ULK4: variants seen among roughly 807,000 people sequenced by gnomAD.
The protein encoded by ULK4 is inactive serine/threonine-protein kinase ULK4.
A neutral mutation model predicts 160.6 loss-of-function variants in ULK4; 133 were observed. The ratio of observed to expected loss-of-function variants is 0.83; its 90% CI spans 0.72 to 0.96. The LOEUF (loss-of-function observed/expected upper bound fraction) is 0.96, where lower values mean the gene tolerates loss of function less well. Ranked by LOEUF, ULK4 falls within the 40% of genes least tolerant of loss-of-function variation. ULK4 has a pLI of 0.00. For synonymous variants in ULK4, 534 were observed against 539.8 expected (o/e 0.99, Z 0.15); for missense variants, 1,580 against 1,499.5 (o/e 1.05, Z -0.89).
At chr3:41,508,381 C>G (rs938076400) in intron 32 of ULK4, among the ~76,000 whole-genome samples, 24 of 152,244 alleles carry the variant, frequency 1.6e-4, no homozygotes, top group African/African-American at 5.5e-4. Flanking sequence ...AGGATATAAT[C>G]TCTTGGGCGC....
chr3:41,252,962 T>C (rs1433263296), intron 35 of ULK4, among the ~76,000 whole-genome samples: 2 of 152,134 alleles, frequency 1.3e-5, no homozygotes, highest in Admixed American at 6.5e-5. Context: ...GAATTTCTCA[T>C]CTGAAACTAC....
At chr3:41,325,568 T>C (rs920511590) in intron 35 of ULK4, among the ~76,000 whole-genome samples, 10 of 152,146 alleles carry the variant, frequency 6.6e-5, no homozygotes, top group African/African-American at 2.4e-4. Context: ...GAGAAAAGTT[T>C]ATGACACTGA....
intron 34 of ULK4, among the ~76,000 whole-genome samples, chr3:41,432,474 G>T (rs2082935592): frequency 6.6e-6 from 1 of 152,072 alleles, no homozygotes; most frequent in South Asian, 2.1e-4. Context: ...TGTAATCCTT[G>T]GGGAACTATA....
intron 32 of ULK4, among the ~76,000 whole-genome samples, chr3:41,521,273 C>T (rs1019104814): frequency 2.0e-4 from 31 of 152,154 alleles, no homozygotes; most frequent in African/African-American, 7.0e-4. Flanking sequence ...GTTCCCGGTC[C>T]TTCTGATAGT....
chr3:41,432,681 T>C (rs990261534), intron 34 of ULK4, among the ~76,000 whole-genome samples: 54 of 152,304 alleles, frequency 3.5e-4, no homozygotes, highest in African/African-American at 1.3e-3. Context: ...ATGATTATGA[T>C]GCATGGAATA....
At chr3:41,272,070 C>G (rs2079146993) in intron 35 of ULK4, among the ~76,000 whole-genome samples, 1 of 152,096 alleles carries the variant, frequency 6.6e-6, no homozygotes, top group Non-Finnish European at 1.5e-5. Context: ...GCATGTGCCA[C>G]AACACCCAGC....
chr3:41,694,676 A>C (rs2036428166), intron 27 of ULK4, among the ~76,000 whole-genome samples: 1 of 152,230 alleles, frequency 6.6e-6, no homozygotes, highest in South Asian at 2.1e-4. Flanking sequence ...AACTACACAC[A>C]ACCACCCATA....
intron 29 of ULK4, among the ~76,000 whole-genome samples, chr3:41,673,687 TAC>T (rs781180843): frequency 8.2e-5 from 12 of 147,166 alleles, no homozygotes; most frequent in East Asian, 6.0e-4. Context: ...TATATATATA[TAC>T]ATACATACAT....
chr3:41,645,029 C>T (rs13061891), intron 30 of ULK4, among the ~76,000 whole-genome samples: 49,063 of 144,288 alleles, frequency 0.34, 10,513 homozygotes, highest in African/African-American at 0.69. Context: ...TCTGTGGGAT[C>T]GGTGGTGATA....
chr3:41,306,139 G>T (rs1441502912), intron 35 of ULK4, among the ~76,000 whole-genome samples: 1 of 94,998 alleles, frequency 1.1e-5, no homozygotes, highest in Non-Finnish European at 2.1e-5. Flanking sequence ...GGGGGGGGGG[G>T]GTCAGCCCCC....
intron 17 of ULK4, chr3:41,882,425 C>G (rs1198779161): frequency 1.6e-6 from 1 of 628,624 alleles, no homozygotes; most frequent in African/African-American, 1.8e-5. Flanking sequence ...TTCAGACTAG[C>G]TTTTCTTCAA....
intron 34 of ULK4, among the ~76,000 whole-genome samples, chr3:41,428,598 A>AT (rs1329368281): frequency 6.6e-6 from 1 of 152,122 alleles, no homozygotes; most frequent in Non-Finnish European, 1.5e-5. Context: ...TAGAATAGAG[A>AT]TCTCAGAAAT....
intron 35 of ULK4, among the ~76,000 whole-genome samples, chr3:41,348,206 CA>C (rs1197234650): frequency 0.25 from 5,711 of 22,950 alleles, 140 homozygotes; most frequent in African/African-American, 0.3. Flanking sequence ...AACTCTGTCT[CA>C]AAAAAAAAAA....
At chr3:41,549,916 AAAC>A (rs564575989) in intron 32 of ULK4, among the ~76,000 whole-genome samples, 91 of 152,252 alleles carry the variant, frequency 6.0e-4, no homozygotes, top group Admixed American at 5.9e-4. Context: ...AAAAAAAAGA[AAAC>A]AACAACAAAA....
At chr3:41,892,843 C>T (rs1421591432) in intron 16 of ULK4, among the ~76,000 whole-genome samples, 1 of 152,216 alleles carries the variant, frequency 6.6e-6, no homozygotes, top group Admixed American at 6.5e-5. Context: ...CTCTTCCTCA[C>T]CCTTCCTTGA....
chr3:41,565,360 C>T (rs1160207577), intron 32 of ULK4, among the ~76,000 whole-genome samples: 1 of 152,188 alleles, frequency 6.6e-6, no homozygotes, highest in African/African-American at 2.4e-5. Flanking sequence ...GATTGGCAGT[C>T]TTATGGTTCA....
chr3:41,657,073 A>C (rs2034961614), intron 30 of ULK4, among the ~76,000 whole-genome samples: 1 of 152,144 alleles, frequency 6.6e-6, no homozygotes, highest in African/African-American at 2.4e-5. Flanking sequence ...CCAACATGGC[A>C]AACAATTTAC....
chr3:41,866,586 C>T (rs1375799544), intron 17 of ULK4, among the ~76,000 whole-genome samples: 1 of 152,210 alleles, frequency 6.6e-6, no homozygotes, highest in African/African-American at 2.4e-5. Context: ...CTCACTGGCC[C>T]ACCACTCACC....
At chr3:41,793,513 C>T (rs1437845721) in intron 20 of ULK4, among the ~76,000 whole-genome samples, 1 of 151,934 alleles carries the variant, frequency 6.6e-6, no homozygotes, top group Non-Finnish European at 1.5e-5. Context: ...CTTATCTGAC[C>T]CCTGAGAGAT....
Sources: gnomAD v4.1 joint callset for allele counts (sites outside exome capture counted in the v4.1 genomes callset) on GRCh38, gnomAD v4.1.1 for gene constraint, MANE v1.5 for transcripts, NCBI Gene and HGNC (gene_info 2026-07-23, HGNC 2026-07-21) for gene names.